GNB1: variants seen among roughly 807,000 people sequenced by gnomAD.
GNB1 encodes the protein G protein subunit beta 1, also known as guanine nucleotide-binding protein G(I)/G(S)/G(T) subunit beta-1.
GNB1 carries 2 observed loss-of-function variants against 42.9 expected under a neutral mutation model. That is an observed-to-expected ratio of 0.05 (90% CI 0.02 to 0.15). GNB1 has a LOEUF of 0.15. Ranked by LOEUF, GNB1 falls within the 10% of genes least tolerant of loss-of-function variation. GNB1 has a pLI of 1.00. For missense variants in GNB1, 193 were observed against 462.2 expected, an observed-to-expected ratio of 0.42 and a Z score of 5.34; for synonymous variants, 183 against 174.7, an observed-to-expected ratio of 1.05 and a Z score of -0.38.
In GNB1 at chr1:1,880,900, G is replaced by A. The variant is rs542343868; in HGVS notation, c.-96+9920C>T. ...GTGTCCATGGAGCTTAGAAGAAGTG[G>A]GAAGAGCATTATCAGGCTACGAAGA... is the stretch of plus-strand genomic sequence containing the variant. On this transcript the variant is annotated intron_variant, in intron 1 of 11. Transcript: ENST00000378609. 2.9e-5 allele frequency among the ~76,000 whole-genome samples: 4 copies of A among 137,566 alleles called. No individual in the cohort carries two copies. In the East Asian group the frequency reaches 8.7e-4, roughly 30 times the overall value. 90.2% of individuals were successfully genotyped at this position (137,566 alleles called of 152,430 possible).
intron 2 of GNB1, among the ~76,000 whole-genome samples, chr1:1,833,480 G>C (rs1369828913): frequency 6.6e-6 from 1 of 152,108 alleles, no homozygotes; most frequent in Non-Finnish European, 1.5e-5. Context: ...ACTGATAAAG[G>C]ACACGACCAC....
intron 8 of GNB1, among the ~76,000 whole-genome samples, chr1:1,791,467 G>A (rs1557881174): frequency 5.3e-5 from 8 of 152,136 alleles, no homozygotes; most frequent in Admixed American, 4.6e-4. Flanking sequence ...GAGCCACCGC[G>A]CCCGGCCATA....
intron 1 of GNB1, among the ~76,000 whole-genome samples, chr1:1,863,163 G>A (rs1648725773): frequency 6.6e-6 from 1 of 152,144 alleles, no homozygotes; most frequent in African/African-American, 2.4e-5. Flanking sequence ...TCAGCCATCA[G>A]TCTACAAATG....
At chr1:1,810,209 G>A (rs979703307) in intron 5 of GNB1, among the ~76,000 whole-genome samples, 1 of 151,964 alleles carries the variant, frequency 6.6e-6, no homozygotes, top group African/African-American at 2.4e-5. Context: ...GGGACTACAG[G>A]CACCTGCCAC....
At position 1,785,338 on chromosome 1, in the gene GNB1, T is replaced by C. The variant is rs948164412; in HGVS notation, c.*1725A>G. ...TCTTAAATAACAGTACAGTTTAATA[T>C]AGTATCTATCTTGCATCCAGCTTCC... On this transcript the variant is annotated 3_prime_UTR_variant, in exon 12 of 12. Transcript: ENST00000378609. 4 of 152,696 alleles carry C rather than the reference T, an allele frequency of 2.6e-5. No homozygotes were observed. Among genetic ancestry groups the C allele is most frequent in the East Asian group, 1.9e-4 (1 of 5,196 alleles). The allele number at this position is 152,696 out of a possible 1,614,324, so 9.5% of individuals were successfully genotyped here.
chr1:1,800,204 A>G (rs929848614), intron 7 of GNB1, among the ~76,000 whole-genome samples: 2 of 152,216 alleles, frequency 1.3e-5, no homozygotes, highest in Admixed American at 1.3e-4. Flanking sequence ...ACAAGGACCA[A>G]CCTCAGGAAG....
chr1:1,831,663 G>T (rs1647077681), intron 2 of GNB1, among the ~76,000 whole-genome samples: 1 of 151,890 alleles, frequency 6.6e-6, no homozygotes, highest in African/African-American at 2.4e-5. Context: ...TGGCCAGGCT[G>T]GTCTTGAACT....
At position 1,787,396 on chromosome 1, in the gene GNB1, C is replaced by G; in HGVS notation, c.958G>C (p.Val320Leu). 1 of 1,613,764 alleles carries G rather than the reference C, an allele frequency of 6.2e-7. No homozygotes were observed. The highest frequency in any genetic ancestry group is 8.5e-7 in the Non-Finnish European group (1 of 1,179,722). Residue 320 changes from valine (V) to leucine (L), a missense_variant, in exon 11 of 12, where the codon GTG (valine) becomes CTG (leucine). By Grantham distance (32) the Val-to-Leu change is conservative (BLOSUM62 1). Coordinates refer to ENST00000378609, the MANE Select transcript of GNB1 (RefSeq NM_002074.5). This position sits in a 1 kb window ranked among gnomAD's most constrained non-coding sequence, Gnocchi z 4.4. ...GHDNRVSCLG[V>L]TDDGMAVATG... The stretch of plus-strand genomic sequence containing the variant: ...GCCACAGCCATGCCATCGTCAGTCA[C>G]GCCCAGGCAGCTGACGCGGTTGTCA...
chr1:1,863,588 G>A (rs1478211238), intron 1 of GNB1, among the ~76,000 whole-genome samples: 1 of 152,114 alleles, frequency 6.6e-6, no homozygotes, highest in Non-Finnish European at 1.5e-5. Context: ...CCTTCTACAT[G>A]CTGCTACTCT....
intron 7 of GNB1, among the ~76,000 whole-genome samples, chr1:1,797,549 T>C (rs1403187361): frequency 6.6e-6 from 1 of 152,146 alleles, no homozygotes; most frequent in East Asian, 1.9e-4. Flanking sequence ...GCACTTCTCC[T>C]GCTTCAGCCT....
At chr1:1,839,862 AAC>A (rs1647201309) in intron 1 of GNB1, among the ~76,000 whole-genome samples, 1 of 151,906 alleles carries the variant, frequency 6.6e-6, no homozygotes, top group Non-Finnish European at 1.5e-5. Context: ...TCAAAACAAA[AAC>A]ACACAACAGT....
intron 7 of GNB1, chr1:1,793,547 G>A (rs1646508441): frequency 2.6e-6 from 1 of 380,072 alleles, no homozygotes. Context: ...ACAGCTCCGT[G>A]ATGGGGGCAG....
chr1:1,814,946 A>G (rs1646832147), intron 5 of GNB1, among the ~76,000 whole-genome samples: 2 of 151,760 alleles, frequency 1.3e-5, no homozygotes, highest in Admixed American at 6.6e-5. Context: ...CCCCATCTCT[A>G]CTAAAAATAC....
intron 1 of GNB1, 27 bp from the exon 2 acceptor site, chr1:1,839,265 T>C (rs922483528): frequency 1.3e-5 from 2 of 152,224 alleles, no homozygotes; most frequent in South Asian, 2.1e-4. Context: ...AGGCTGTATT[T>C]GTATTGCACT....
At chr1:1,795,594 A>G (rs538208153) in intron 7 of GNB1, among the ~76,000 whole-genome samples, 61 of 152,182 alleles carry the variant, frequency 4.0e-4, no homozygotes, top group Non-Finnish European at 7.6e-4. Context: ...CTAAAAATAT[A>G]AAAATTAGCC....
chr1:1,850,426 C>A (rs1008154948), intron 1 of GNB1, among the ~76,000 whole-genome samples: 2 of 152,036 alleles, frequency 1.3e-5, no homozygotes, highest in Non-Finnish European at 2.9e-5. Context: ...AGCCACCGCG[C>A]CCAGCCTAAA....
At chr1:1,886,670 C>T (rs1339190916) in intron 1 of GNB1, among the ~76,000 whole-genome samples, 2 of 152,158 alleles carry the variant, frequency 1.3e-5, no homozygotes, top group Non-Finnish European at 2.9e-5. Flanking sequence ...TTAACAAATG[C>T]AAACCTGAAA....
At chr1:1,830,892 A>T (rs1647066778) in intron 2 of GNB1, among the ~76,000 whole-genome samples, 1 of 152,146 alleles carries the variant, frequency 6.6e-6, no homozygotes, top group African/African-American at 2.4e-5. Context: ...AGCCAGGTGC[A>T]ATGGCTCAAG....
chr1:1,826,242 C>T (rs542048914), intron 2 of GNB1, among the ~76,000 whole-genome samples: 241 of 152,004 alleles, frequency 1.6e-3, no homozygotes, highest in Non-Finnish European at 2.9e-3. Context: ...CATGGTGAAA[C>T]CCGATCTCTA....
Sources: allele counts gnomAD v4.1 joint callset (sites outside exome capture counted in the v4.1 genomes callset), GRCh38; gene constraint gnomAD v4.1.1; non-coding constraint Gnocchi (gnomAD v3.1); transcripts MANE v1.5; gene names NCBI Gene and HGNC (gene_info 2026-07-23, HGNC 2026-07-21).